Variants in VPS45 observed in about 807,000 individuals in gnomAD.
VPS45 encodes vacuolar protein sorting-associated protein 45.
VPS45 carries 35 observed loss-of-function variants against 75.9 expected under a neutral mutation model. The ratio of observed to expected loss-of-function variants is 0.46; its 90% confidence interval spans 0.35 to 0.61. The LOEUF (loss-of-function observed/expected upper bound fraction) is 0.61, where lower values mean the gene tolerates loss of function less well. VPS45 is among the 20% of genes least tolerant of loss of function. The pLI is 0.00. For synonymous variants in VPS45, 220 were observed against 238.2 expected (o/e 0.92, Z 0.70); for missense variants, 559 against 685.9 (o/e 0.81, Z 2.07).
intron 14 of VPS45, among the ~76,000 whole-genome samples, chr1:150,142,553 G>A (rs1271845614): frequency 3.9e-5 from 6 of 152,198 alleles, no homozygotes; most frequent in African/African-American, 1.4e-4. Flanking sequence ...AATGCAAGAT[G>A]GTAATAAAAC....
chr1:150,138,060 A>G (rs1186930512), intron 14 of VPS45, among the ~76,000 whole-genome samples: 7 of 151,828 alleles, frequency 4.6e-5, no homozygotes, highest in South Asian at 2.1e-4. Flanking sequence ...AGTTGTTTAC[A>G]CTCACTGTCT....
intron 8 of VPS45, 136 bp downstream of exon 8, chr1:150,081,612 C>G (rs2101534868): frequency 9.3e-7 from 1 of 1,075,396 alleles, no homozygotes; most frequent in South Asian, 1.5e-5. Context: ...TAAACTGCCT[C>G]TGAAGGGAAG....
At chr1:150,074,952 A>ATTTTT (rs1185847959) in intron 3 of VPS45, among the ~76,000 whole-genome samples, 3 of 88,146 alleles carry the variant, frequency 3.4e-5, no homozygotes, top group African/African-American at 3.9e-5. Context: ...ATAATTATTT[A>ATTTTT]TTCTTTTTTT....
chr1:150,105,389 G>A (rs1657265804), intron 13 of VPS45, among the ~76,000 whole-genome samples: 1 of 152,158 alleles, frequency 6.6e-6, no homozygotes, highest in Non-Finnish European at 1.5e-5. Flanking sequence ...CCCTCTAGAA[G>A]ATTCCTAGAC....
chr1:150,095,996 G>T (rs781809107), intron 13 of VPS45, among the ~76,000 whole-genome samples: 4 of 152,266 alleles, frequency 2.6e-5, no homozygotes, highest in African/African-American at 9.6e-5. Flanking sequence ...GTGAGAAATG[G>T]AAGTGGTTTG....
chr1:150,143,181 G>C (rs930420022), intron 14 of VPS45, among the ~76,000 whole-genome samples: 11 of 152,328 alleles, frequency 7.2e-5, no homozygotes, highest in African/African-American at 2.6e-4. Flanking sequence ...TCAGCATGGA[G>C]GGGTCTGGAA....
intron 2 of VPS45, chr1:150,068,998 A>G (rs1310814980): frequency 4.2e-6 from 2 of 475,460 alleles, no homozygotes; most frequent in Non-Finnish European, 7.4e-6. Context: ...TCCCATTGCC[A>G]CTAATGAACT....
intron 14 of VPS45, among the ~76,000 whole-genome samples, chr1:150,141,892 A>G (rs1008629062): frequency 6.6e-6 from 1 of 152,232 alleles, no homozygotes; most frequent in Admixed American, 6.5e-5. Flanking sequence ...ATTGAACTGG[A>G]CTATGGCACC....
chr1:150,138,846 A>G (rs1406538040), intron 14 of VPS45, among the ~76,000 whole-genome samples: 1 of 152,024 alleles, frequency 6.6e-6, no homozygotes, highest in East Asian at 1.9e-4. Flanking sequence ...GCTCAATATA[A>G]TCCTCCCTCC....
At chr1:150,123,873 G>GT (rs1658364086) in intron 14 of VPS45, among the ~76,000 whole-genome samples, 1 of 152,136 alleles carries the variant, frequency 6.6e-6, no homozygotes, top group Non-Finnish European at 1.5e-5. Context: ...TTAGTCTCCA[G>GT]TTCTTCTTAA....
At chr1:150,074,993 CCT>C (rs1491378755) in intron 3 of VPS45, among the ~76,000 whole-genome samples, 2 of 120,896 alleles carry the variant, frequency 1.7e-5, no homozygotes, top group African/African-American at 3.5e-5. Flanking sequence ...ACACAGTCTC[CCT>C]CTGTCACCCA....
chr1:150,118,001 C>T (rs7520088), intron 14 of VPS45, among the ~76,000 whole-genome samples: 6,624 of 151,872 alleles, frequency 0.044, 474 homozygotes, highest in African/African-American at 0.15. Context: ...GGGCTGGGCA[C>T]GGTGGCTCAC....
chr1:150,082,657 C>T (rs781792676), intron 9 of VPS45, 59 bp from the exon 10 acceptor site: 317 of 1,570,554 alleles, frequency 2.0e-4, no homozygotes, highest in Non-Finnish European at 2.5e-4. Flanking sequence ...CCATTCAGTA[C>T]ATGCTTATCC....
At position 150,144,999 on chromosome 1, in the gene VPS45, C is replaced by T; in HGVS notation, c.*203C>T. ...ATAAGTCTGAGCCCATCTCAACCCACTTTTCTCCGGTAGTCTTTATGTATC... is the reference window on the plus strand; with the variant it reads ...ATAAGTCTGAGCCCATCTCAACCCATTTTTCTCCGGTAGTCTTTATGTATC... On this transcript the variant is annotated 3_prime_UTR_variant, in exon 15 of 15. Coordinates refer to ENST00000644510, the MANE Select transcript of VPS45 (RefSeq NM_007259.5). 7.3e-7 allele frequency: 1 copy of T among 1,367,406 alleles called. No individual in the cohort carries two copies. The highest frequency in any genetic ancestry group is 9.9e-7 in the Non-Finnish European group (1 of 1,011,288). The allele number at this position is 1,367,406 out of a possible 1,614,324, so 84.7% of individuals were successfully genotyped here. A position where few individuals can be genotyped will look rare whatever the true frequency, so the allele number is the denominator to read the frequency against.
At chr1:150,097,785 TA>T (rs1314207058) in intron 13 of VPS45, among the ~76,000 whole-genome samples, 2 of 151,966 alleles carry the variant, frequency 1.3e-5, no homozygotes, top group African/African-American at 4.8e-5. Context: ...TATACATATG[TA>T]TGTATATTAT....
intron 13 of VPS45, among the ~76,000 whole-genome samples, chr1:150,108,604 A>T (rs1553806471): frequency 6.6e-6 from 1 of 152,134 alleles, no homozygotes; most frequent in Admixed American, 6.5e-5. Flanking sequence ...GTAGCAAGGG[A>T]AAAAATCAAA....
chr1:150,141,670 C>T (rs1173711592), intron 14 of VPS45, among the ~76,000 whole-genome samples: 6 of 152,048 alleles, frequency 3.9e-5, no homozygotes, highest in Admixed American at 1.3e-4. Flanking sequence ...GATGACAGCA[C>T]AAACTAAAAA....
chr1:150,105,461 T>A (rs1198747472), intron 13 of VPS45, among the ~76,000 whole-genome samples: 1 of 152,168 alleles, frequency 6.6e-6, no homozygotes, highest in Non-Finnish European at 1.5e-5. Flanking sequence ...TGAGTAACAT[T>A]TTTAGGCACC....
At chr1:150,109,695 AT>A (rs1232098146) in intron 13 of VPS45, 1 of 152,174 alleles carries the variant, frequency 6.6e-6, no homozygotes, top group African/African-American at 2.4e-5. Context: ...TCTTGGTGAT[AT>A]TTAAGGAAGG....
Sources: gnomAD v4.1 joint callset for allele counts (sites outside exome capture counted in the v4.1 genomes callset) on GRCh38, gnomAD v4.1.1 for gene constraint, MANE v1.5 for transcripts, NCBI Gene and HGNC (gene_info 2026-07-23, HGNC 2026-07-21) for gene names.